The following GRIA3 variants were observed in gnomAD, a reference collection of about 807,000 sequenced individuals.
GRIA3 encodes glutamate ionotropic receptor AMPA type subunit 3.
A neutral mutation model predicts 63.0 loss-of-function variants in GRIA3; 3 were observed. The ratio of observed to expected loss-of-function variants is 0.05; its 90% CI spans 0.02 to 0.12. The LOEUF is 0.12. Among genes scored for constraint, GRIA3 ranks in the 10% least tolerant of loss-of-function variants. The pLI is 1.00. For missense variants in GRIA3, 347 were observed against 700.9 expected (o/e 0.50, Z 5.70); for synonymous variants, 274 against 257.9 (o/e 1.06, Z -0.60).
At chrX:123,265,733 T>C (rs761452698) in intron 3 of GRIA3, among the ~76,000 whole-genome samples, 1 of 112,400 alleles carries the variant, frequency 8.9e-6, no homozygotes, top group East Asian at 2.8e-4. Context: ...AGGAGAGTTA[T>C]GGAGACACAA....
At chrX:123,254,890 AT>A (rs1277366754) in intron 3 of GRIA3, among the ~76,000 whole-genome samples, 1 of 110,977 alleles carries the variant, frequency 9.0e-6, no homozygotes, top group African/African-American at 3.3e-5. Flanking sequence ...TGATTCTGTG[AT>A]TTTTTTTGAG....
At chrX:123,289,592 T>C (rs2147306704) in intron 3 of GRIA3, among the ~76,000 whole-genome samples, 1 of 109,705 alleles carries the variant, frequency 9.1e-6, no homozygotes, top group African/African-American at 3.3e-5. Context: ...AATTGGAGAA[T>C]CCCTATTAAA....
intron 13 of GRIA3, among the ~76,000 whole-genome samples, chrX:123,469,366 G>A (rs1161222310): frequency 8.9e-6 from 1 of 111,882 alleles, no homozygotes; most frequent in Non-Finnish European, 1.9e-5. Flanking sequence ...TGTCGTAAAT[G>A]TGCATGAGCT....
At chrX:123,232,312 G>A (rs1002868066) in intron 2 of GRIA3, among the ~76,000 whole-genome samples, 2 of 111,611 alleles carry the variant, frequency 1.8e-5, no homozygotes, top group African/African-American at 3.3e-5. Context: ...ATGAAAAGGG[G>A]TAATTCTGAG....
At chrX:123,185,508 A>AGGGGGGGGGGGCGG (rs3216834) in intron 1 of GRIA3, among the ~76,000 whole-genome samples, 1 of 40,964 alleles carries the variant, frequency 2.4e-5, no homozygotes, top group Non-Finnish European at 5.0e-5. Flanking sequence ...CGGGGGGCGG[A>AGGGGGGGGGGGCGG]GGGGGGGGGC....
intron 4 of GRIA3, among the ~76,000 whole-genome samples, chrX:123,352,783 AACTTGCC>A (rs764239798): frequency 1.0e-3 from 113 of 111,150 alleles, no homozygotes; most frequent in Non-Finnish European, 1.6e-3. Context: ...GTATGGTCCC[AACTTGCC>A]ACCAAAAGTT....
chrX:123,232,783 AAG>A (rs2044282664), intron 2 of GRIA3, among the ~76,000 whole-genome samples: 1 of 111,008 alleles, frequency 9.0e-6, no homozygotes, highest in Non-Finnish European at 1.9e-5. Flanking sequence ...ATAATAATGA[AAG>A]CTATCCTGTT....
chrX:123,191,639 C>T (rs1240589249), intron 2 of GRIA3, among the ~76,000 whole-genome samples: 2 of 110,914 alleles, frequency 1.8e-5, no homozygotes, highest in African/African-American at 6.6e-5. Flanking sequence ...ACTGACCAGC[C>T]CCTGATTCTA....
chrX:123,218,778 C>T (rs1928224351), intron 2 of GRIA3, among the ~76,000 whole-genome samples: 1 of 111,184 alleles, frequency 9.0e-6, no homozygotes. Flanking sequence ...CATTGGGACC[C>T]ATTTTTTTCC....
chrX:123,465,827 A>G, intron 13 of GRIA3: 1 of 928,437 alleles, frequency 1.1e-6, no homozygotes, highest in Non-Finnish European at 1.6e-6. Context: ...ACCCTTAGTG[A>G]CGAGTAATCG....
intron 2 of GRIA3, among the ~76,000 whole-genome samples, chrX:123,212,195 G>A (rs1043634552): frequency 1.2e-4 from 13 of 111,566 alleles, no homozygotes; most frequent in African/African-American, 4.2e-4. Context: ...TCTAGGTAAA[G>A]CAACTGATCC....
chrX:123,411,829 C>T (rs2045508370), intron 10 of GRIA3, among the ~76,000 whole-genome samples: 1 of 110,733 alleles, frequency 9.0e-6, no homozygotes, highest in African/African-American at 3.3e-5. Context: ...ATTGGAGCAC[C>T]CTCATACCAC....
At chrX:123,346,312 C>G (rs915324599) in intron 4 of GRIA3, among the ~76,000 whole-genome samples, 2 of 111,981 alleles carry the variant, frequency 1.8e-5, no homozygotes, top group Admixed American at 1.9e-4. Context: ...TATTTACTAT[C>G]TAATCATTCA....
chrX:123,271,186 T>C lies in GRIA3; in HGVS notation c.508+17644T>C, dbSNP rs986197508. Among the ~76,000 whole-genome samples, 4 of 112,255 alleles carry C rather than the reference T, an allele frequency of 3.6e-5. No individual in the cohort carries two copies. In the Admixed American group the frequency reaches 3.8e-4, roughly 11 times the overall value. On this transcript the variant is annotated intron_variant, in intron 3 of 15. Transcript: ENST00000620443. ...GAAATTAGAGAAGATTTCCATAAACTATTTGTTTCATGATGTCATCTAATA... is the reference window on the plus strand; with the variant it reads ...GAAATTAGAGAAGATTTCCATAAACCATTTGTTTCATGATGTCATCTAATA...
chrX:123,449,617 TAC>T (rs2045720219), intron 12 of GRIA3, among the ~76,000 whole-genome samples: 1 of 111,955 alleles, frequency 8.9e-6, no homozygotes, highest in South Asian at 3.7e-4. Flanking sequence ...AAATAATACT[TAC>T]CAGAACGCTC....
intron 2 of GRIA3, among the ~76,000 whole-genome samples, chrX:123,197,569 A>C (rs1357893901): frequency 8.9e-6 from 1 of 112,423 alleles, no homozygotes; most frequent in Non-Finnish European, 1.9e-5. Flanking sequence ...ACATTCTGTC[A>C]TTAACTCTTG....
intron 3 of GRIA3, among the ~76,000 whole-genome samples, chrX:123,297,196 C>A (rs2044690932): frequency 9.0e-6 from 1 of 111,192 alleles, no homozygotes; most frequent in Non-Finnish European, 1.9e-5. Context: ...TCATGTGATT[C>A]CCGTGCATGT....
chrX:123,329,862 T>A (rs1162491782), intron 4 of GRIA3, among the ~76,000 whole-genome samples: 2 of 111,819 alleles, frequency 1.8e-5, no homozygotes, highest in African/African-American at 6.5e-5. Context: ...AACATTAATT[T>A]TTGAAAAGGT....
intron 13 of GRIA3, among the ~76,000 whole-genome samples, chrX:123,478,740 C>T (rs2045898290): frequency 8.9e-6 from 1 of 112,132 alleles, no homozygotes; most frequent in African/African-American, 3.2e-5. Flanking sequence ...GAAATTTTTA[C>T]AGCATGTTCA....
Sources: gnomAD v4.1 joint callset for allele counts (sites outside exome capture counted in the v4.1 genomes callset) on GRCh38, gnomAD v4.1.1 for gene constraint, MANE v1.5 for transcripts, NCBI Gene and HGNC (gene_info 2026-07-23, HGNC 2026-07-21) for gene names.